The following GREB1 variants were observed in gnomAD, a reference collection of about 807,000 sequenced individuals.
The protein encoded by GREB1 is growth regulating estrogen receptor binding 1, also known as protein GREB1.
A neutral mutation model predicts 200.7 loss-of-function variants in GREB1; 106 were observed. The ratio of observed to expected loss-of-function variants is 0.53; its 90% confidence interval spans 0.45 to 0.62. The LOEUF is 0.62. Ranked by LOEUF, GREB1 falls within the 20% of genes least tolerant of loss-of-function variation. The pLI, the probability that GREB1 is intolerant of heterozygous loss-of-function variation, is 0.00. For missense variants in GREB1, 2,243 were observed against 2,556.8 expected, an observed-to-expected ratio of 0.88 and a Z score of 2.65; for synonymous variants, 1,132 against 1,092.4, an observed-to-expected ratio of 1.04 and a Z score of -0.72.
chr2:11,572,169 AG>A (rs1242725564), intron 4 of GREB1, among the ~76,000 whole-genome samples: 1 of 152,254 alleles, frequency 6.6e-6, no homozygotes, highest in East Asian at 1.9e-4. Flanking sequence ...GCGCAGGGAC[AG>A]TGGCCTAGAG....
At chr2:11,578,548 T>C in intron 6 of GREB1, 117 bp downstream of exon 6, 3 of 1,041,226 alleles carry the variant, frequency 2.9e-6, no homozygotes, top group Non-Finnish European at 2.7e-6. Flanking sequence ...GGCTGTTATC[T>C]TTTTCTATAA....
chr2:11,599,566 CT>C (rs1302255164), intron 15 of GREB1, among the ~76,000 whole-genome samples: 1 of 144,208 alleles, frequency 6.9e-6, no homozygotes, highest in Admixed American at 7.0e-5. Flanking sequence ...GTCGCCCAGG[CT>C]TGGAGTGCAG....
chr2:11,592,197 T>C (rs1680794960), intron 10 of GREB1: 11 of 549,566 alleles, frequency 2.0e-5, no homozygotes, highest in African/African-American at 2.4e-5. Context: ...CTTTTTTTTT[T>C]TTTTTTAACA....
chr2:11,609,267 T>TTTAG (rs1223095643), intron 17 of GREB1, among the ~76,000 whole-genome samples: 6 of 149,876 alleles, frequency 4.0e-5, no homozygotes, highest in Non-Finnish European at 7.4e-5. Flanking sequence ...TATTTATTTA[T>TTTAG]TTATTTATTT....
chr2:11,606,563 A>G (rs1477988767), intron 17 of GREB1, among the ~76,000 whole-genome samples: 1 of 152,068 alleles, frequency 6.6e-6, no homozygotes, highest in African/African-American at 2.4e-5. Context: ...ATCGCTTCTG[A>G]TATTAATACA....
intron 1 of GREB1, among the ~76,000 whole-genome samples, chr2:11,506,656 T>G (rs1673190156): frequency 6.6e-6 from 1 of 152,212 alleles, no homozygotes; most frequent in Non-Finnish European, 1.5e-5. Context: ...TTCCTTCATG[T>G]CTTGAAAGTT....
intron 9 of GREB1, 32 bp downstream of exon 9, chr2:11,585,937 T>G: frequency 6.4e-7 from 1 of 1,567,944 alleles, no homozygotes; most frequent in Non-Finnish European, 8.8e-7. Context: ...GTCGTGGGGA[T>G]GGGAGAACCT....
At chr2:11,545,204 C>T (rs537569870) in intron 1 of GREB1, among the ~76,000 whole-genome samples, 4 of 151,944 alleles carry the variant, frequency 2.6e-5, no homozygotes, top group East Asian at 1.9e-4. Context: ...GGCACGATCT[C>T]GCTCACTGCA....
intron 1 of GREB1, among the ~76,000 whole-genome samples, chr2:11,523,586 G>C (rs1202340684): frequency 6.6e-6 from 1 of 152,152 alleles, no homozygotes. Context: ...GATCTGCAGA[G>C]CTCTTAACTG....
chr2:11,483,737 C>A (rs1672578054), intron 1 of GREB1, among the ~76,000 whole-genome samples: 1 of 146,004 alleles, frequency 6.8e-6, no homozygotes, highest in Admixed American at 6.9e-5. Flanking sequence ...TGTGTGTGGC[C>A]CGGCCACCAG....
At position 11,559,450 on chromosome 2, in the gene GREB1, C is replaced by G. The variant is rs564633169; in HGVS notation, c.157+2679C>G. Among the ~76,000 whole-genome samples the G allele has an allele frequency of 1.2e-3, 184 of 152,286 alleles. 1 individual carries two copies. Among genetic ancestry groups the G allele is most frequent in the Admixed American group, 5.8e-3 (89 of 15,298 alleles). ...TCTTTGACCTTTTGAGGCTTACGAC[C>G]CTTTTCTTTCATGCCTTCTGAGAGT... On this transcript the variant is annotated intron_variant, in intron 2 of 32. Coordinates refer to ENST00000381486, the MANE Select transcript of GREB1 (RefSeq NM_014668.4).
intron 18 of GREB1, among the ~76,000 whole-genome samples, chr2:11,611,474 G>A (rs910682440): frequency 2.6e-5 from 4 of 152,178 alleles, no homozygotes; most frequent in African/African-American, 4.8e-5. Flanking sequence ...CACCACACTC[G>A]GCTAATTTTT....
intron 1 of GREB1, among the ~76,000 whole-genome samples, chr2:11,523,048 TA>T (rs1169995953): frequency 1.3e-5 from 2 of 152,170 alleles, no homozygotes; most frequent in African/African-American, 4.8e-5. Context: ...TATGCAGCCA[TA>T]AAAAAGAATG....
chr2:11,637,825 A>G lies in GREB1; in HGVS notation c.5456A>G (p.Gln1819Arg), dbSNP rs749248700. The G allele has an allele frequency of 6.2e-7, 1 of 1,614,228 alleles. No individual in the cohort carries two copies. Among genetic ancestry groups the G allele is most frequent in the South Asian group, 1.1e-5 (1 of 91,086 alleles). ...CAGCTCCTGCTGGAGAAGTTCCTGCAGCACCACAGCCACCTCTTCTTCCCG... is the reference window on the plus strand; with the variant it reads ...CAGCTCCTGCTGGAGAAGTTCCTGCGGCACCACAGCCACCTCTTCTTCCCG... The part of the protein sequence containing the change: ...PAQLLLEKFL[Q>R]HHSHLFFPLS... The change falls in exon 31 of 33, where the codon CAG (glutamine) becomes CGG (arginine). Residue 1819 changes from glutamine (Q) to arginine (R), a missense_variant. Gln to Arg is a conservative substitution (Grantham distance 43, BLOSUM62 1). Coordinates refer to ENST00000381486, the MANE Select transcript of GREB1 (RefSeq NM_014668.4).
At chr2:11,533,347 C>G (rs1159881555), upstream of GREB1, among the ~76,000 whole-genome samples, 1 of 152,104 alleles carries the variant, frequency 6.6e-6, no homozygotes, top group African/African-American at 2.4e-5. Context: ...GTACTAAATA[C>G]TCTACTACAT....
chr2:11,544,189 C>T (rs4669747), intron 1 of GREB1, among the ~76,000 whole-genome samples: 101,566 of 151,974 alleles, frequency 0.67, 34,710 homozygotes, highest in South Asian at 0.84. Context: ...TGCTTAACCC[C>T]TCTAGTCTGA....
intron 22 of GREB1, among the ~76,000 whole-genome samples, chr2:11,620,457 C>T (rs1056213462): frequency 2.0e-5 from 3 of 152,052 alleles, no homozygotes; most frequent in African/African-American, 7.3e-5. Flanking sequence ...GAAAGTTGTT[C>T]TTTTCCTGGG....
At chr2:11,505,841 T>C (rs557826143) in intron 1 of GREB1, among the ~76,000 whole-genome samples, 5 of 152,078 alleles carry the variant, frequency 3.3e-5, no homozygotes, top group African/African-American at 1.2e-4. Context: ...AGCAAGACCC[T>C]GTTTTGGGAA....
At chr2:11,632,808 G>A (rs1157596314) in intron 27 of GREB1, 81 bp from the exon 28 acceptor site, 21 of 1,288,146 alleles carry the variant, frequency 1.6e-5, no homozygotes, top group African/African-American at 8.8e-5. Context: ...GGGCGGCCCC[G>A]ACAGCAGGTC....
Sources: allele counts gnomAD v4.1 joint callset (sites outside exome capture counted in the v4.1 genomes callset), GRCh38; gene constraint gnomAD v4.1.1; transcripts MANE v1.5; gene names NCBI Gene and HGNC (gene_info 2026-07-23, HGNC 2026-07-21).